The following PCNX4 variants were observed in gnomAD, a reference collection of about 807,000 sequenced individuals.
The protein encoded by PCNX4 is pecanex-like protein 4.
In PCNX4, 103 loss-of-function variants were observed where a neutral mutation model predicts 107.2. The ratio of observed to expected loss-of-function variants is 0.96; its 90% CI spans 0.82 to 1.13. The LOEUF is 1.13. Among genes scored for constraint, PCNX4 ranks in the 50% most tolerant of loss-of-function variants. The pLI, the probability that PCNX4 is intolerant of heterozygous loss-of-function variation, is 0.00. For synonymous variants in PCNX4, 541 were observed against 481.7 expected, an observed-to-expected ratio of 1.12 and a Z score of -1.61; for missense variants, 1,528 against 1,379.4, an observed-to-expected ratio of 1.11 and a Z score of -1.71.
Position 60,137,931 on chromosome 14 carries a change from T to TA in PCNX4, c.*3721dup, listed in dbSNP as rs796807567. 0.027 allele frequency: 3,880 copies of TA among 142,176 alleles called. 122 individuals carry two copies. The highest frequency in any genetic ancestry group is 0.085 in the African/African-American group (3,308 of 38,906). 8.8% of individuals were successfully genotyped at this position (142,176 alleles called of 1,614,324 possible). A position where few individuals can be genotyped will look rare whatever the true frequency, so the allele number is the denominator to read the frequency against. On this transcript the variant is annotated 3_prime_UTR_variant, in exon 11 of 11. Transcript: ENST00000406854. ...AATGAAACCCCATCTGTAGTAAAAA[T>TA]AAAAAAAAAAATAACCGGGTGTGGT...
At chr14:60,133,800 T>C (rs1896197558) in intron 10 of PCNX4, 170 bp from the exon 11 acceptor site, 1 of 697,568 alleles carries the variant, frequency 1.4e-6, no homozygotes, top group Non-Finnish European at 2.4e-6. Context: ...TTCTTGATTC[T>C]GAATACAGGC....
intron 8 of PCNX4, among the ~76,000 whole-genome samples, chr14:60,123,078 C>G (rs1221169752): frequency 6.6e-6 from 1 of 152,090 alleles, no homozygotes; most frequent in Admixed American, 6.6e-5. Flanking sequence ...TTGAGAACCT[C>G]TGCTCTAGTC....
chr14:60,102,788 G>T (rs141113542), intron 1 of PCNX4, among the ~76,000 whole-genome samples: 1 of 152,076 alleles, frequency 6.6e-6, no homozygotes, highest in African/African-American at 2.4e-5. Flanking sequence ...TCAGAACTAT[G>T]TGCCAAATTC....
rs779878114 is a variant in PCNX4 at position 60,118,636 on chromosome 14, A to G, written c.1886A>G (p.Gln629Arg). ...TGTGCAGATACAGTGTACTACTACC[A>G]AATGGTGCCCAGGTTGACTGCTGTA... ...CVCADTVYYY[Q>R]MVPRLTAVLQ... The change falls in exon 7 of 11, where the codon CAA becomes CGA. Residue 629 changes from glutamine to arginine, a missense_variant. Gln to Arg is a conservative substitution (Grantham distance 43). Coordinates refer to ENST00000406854, the MANE Select transcript of PCNX4 (RefSeq NM_001330177.2). 19 of 1,613,086 alleles carry G rather than the reference A, an allele frequency of 1.2e-5. No individual in the cohort carries two copies. Among genetic ancestry groups the G allele is most frequent in the Non-Finnish European group, 1.6e-5 (19 of 1,179,444 alleles).
Position 60,124,888 on chromosome 14 carries a change from AT to A in PCNX4, c.2719del (p.Ser907LeufsTer3). 1 of 1,613,856 alleles carries A rather than the reference AT, an allele frequency of 6.2e-7. No homozygotes were observed. The highest frequency in any genetic ancestry group is 8.5e-7 in the Non-Finnish European group (1 of 1,179,778). ...YIPLMEFSCS[H>X]SHLVCLPAEW... Reference sequence around the variant, plus strand: ...CCTCTCATGGAGTTCAGTTGTTCACATTCTCACTTAGTATGCTTACCCGCAG... The same window carrying A: ...CCTCTCATGGAGTTCAGTTGTTCACATCTCACTTAGTATGCTTACCCGCAG... On this transcript the variant is annotated frameshift_variant, in exon 9 of 11. Transcript: ENST00000406854. LOFTEE classifies it high-confidence loss of function.
In PCNX4 at chr14:60,124,995, C is replaced by T; in HGVS notation, c.2824C>T (p.Leu942=). 1 of 1,613,750 alleles carries T rather than the reference C, an allele frequency of 6.2e-7. No homozygotes were observed. Among genetic ancestry groups the T allele is most frequent in the South Asian group, 1.1e-5 (1 of 91,066 alleles). ...TCCAGAAGACTGGTACCAATTTGTT[C>T]TAAGGCAGTTGGAATGTTATCATTC... ...LFPEDWYQFV[L]RQLECYHSEE... The change falls in exon 9 of 11, where the codon CTA becomes TTA. Residue 942 remains leucine (L), a synonymous_variant. Transcript: ENST00000406854.
intron 1 of PCNX4, among the ~76,000 whole-genome samples, chr14:60,095,153 G>C (rs749999116): frequency 8.5e-5 from 13 of 152,164 alleles, no homozygotes; most frequent in Admixed American, 3.9e-4. Context: ...CAAATTTAAA[G>C]GGGAAAGGGC....
rs374486742 is a variant in PCNX4 at position 60,124,910 on chromosome 14, C to G, written c.2739C>G (p.Pro913=). 3 of 1,613,730 alleles carry G rather than the reference C, an allele frequency of 1.9e-6. No individual in the cohort carries two copies. The highest frequency in any genetic ancestry group is 2.7e-5 in the African/African-American group (2 of 75,020). Residue 913 remains proline (P), a synonymous_variant, in exon 9 of 11, where the codon CCC becomes CCG. Transcript: ENST00000406854. ...CACATTCTCACTTAGTATGCTTACC[C>G]GCAGAGTGGAGGACTAGCTGTATGC... ...SCSHSHLVCL[P]AEWRTSCMPS...
chr14:60,119,728 C>T (rs970271146), intron 7 of PCNX4, among the ~76,000 whole-genome samples: 2 of 152,098 alleles, frequency 1.3e-5, no homozygotes, highest in Non-Finnish European at 2.9e-5. Flanking sequence ...AAAAATTATA[C>T]TTTATTATCA....
intron 1 of PCNX4, among the ~76,000 whole-genome samples, chr14:60,103,072 T>C (rs1895563229): frequency 6.6e-6 from 1 of 152,186 alleles, no homozygotes; most frequent in East Asian, 1.9e-4. Context: ...TTTAAATCAG[T>C]TTTTAGGTCT....
At chr14:60,120,826 G>A (rs1302103569) in intron 7 of PCNX4, among the ~76,000 whole-genome samples, 1 of 152,086 alleles carries the variant, frequency 6.6e-6, no homozygotes, top group Non-Finnish European at 1.5e-5. Flanking sequence ...TTATATCCAT[G>A]TATAAAAATG....
In PCNX4 at chr14:60,124,813, T is replaced by C; in HGVS notation, c.2642T>C (p.Leu881Ser). ...AACGATCTTTACAAAGCAGTTCTAT[T>C]AGGATACCCTGCTGTTGACAAAGGA... The part of the protein sequence containing the change: ...PENDLYKAVL[L>S]GYPAVDKGKQ... The change falls in exon 9 of 11, where the codon TTA becomes TCA. Residue 881 changes from leucine to serine, a missense_variant. Transcript: ENST00000406854. The C allele has an allele frequency of 6.2e-7, 1 of 1,613,770 alleles. No homozygotes were observed. The highest frequency in any genetic ancestry group is 1.3e-5 in the African/African-American group (1 of 75,060).
chr14:60,118,733 A>G (rs1256219056), intron 7 of PCNX4, 41 bp downstream of exon 7: 2 of 1,497,958 alleles, frequency 1.3e-6, no homozygotes, highest in Admixed American at 2.3e-5. Flanking sequence ...TCACTAATGT[A>G]TTTAAAGTAC....
chr14:60,131,105 A>G lies in PCNX4; in HGVS notation c.3268-2865A>G, dbSNP rs528160661. Among the ~76,000 whole-genome samples the G allele has an allele frequency of 1.4e-4, 22 of 152,276 alleles. 1 individual carries two copies. Among genetic ancestry groups the G allele is most frequent in the African/African-American group, 5.3e-4 (22 of 41,562 alleles). On this transcript the variant is annotated intron_variant, in intron 10 of 10. Transcript: ENST00000406854. Reference sequence around the variant, plus strand: ...GGATAGCCCTCATCAGAACCCAGCCATGAAACCACCCCGATCTTGGACCTC... The same window carrying G: ...GGATAGCCCTCATCAGAACCCAGCCGTGAAACCACCCCGATCTTGGACCTC...
chr14:60,094,563 T>C (rs1379818966), intron 1 of PCNX4, among the ~76,000 whole-genome samples: 3 of 152,066 alleles, frequency 2.0e-5, no homozygotes, highest in Non-Finnish European at 2.9e-5. Context: ...GTCCCTATCA[T>C]ACCCTGCAAC....
At chr14:60,097,616 A>G (rs1057034532) in intron 1 of PCNX4, among the ~76,000 whole-genome samples, 5 of 152,240 alleles carry the variant, frequency 3.3e-5, no homozygotes, top group Non-Finnish European at 5.9e-5. Context: ...TATCTCAACC[A>G]ATCAGGCCTA....
At position 60,142,383 on chromosome 14, in the gene PCNX4, C is replaced by T. The variant is rs1011208040; in HGVS notation, c.*8162C>T. On this transcript the variant is annotated 3_prime_UTR_variant, in exon 11 of 11. Coordinates refer to ENST00000406854, the MANE Select transcript of PCNX4 (RefSeq NM_001330177.2). This position sits in a 1 kb window ranked among gnomAD's most constrained non-coding sequence, Gnocchi z 4.7. ...GTTGAGGAAACGAAAGCCGTCACTT[C>T]TGCTAACTCTTTTACCAACTCACCT... 1.1e-4 allele frequency: 17 copies of T among 152,328 alleles called. No homozygotes were observed. The highest frequency in any genetic ancestry group is 3.8e-4 in the African/African-American group (16 of 41,562). 9.4% of individuals were successfully genotyped at this position (152,328 alleles called of 1,614,324 possible).
chr14:60,133,653 T>C, intron 10 of PCNX4: 1 of 515,494 alleles, frequency 1.9e-6, no homozygotes, highest in Non-Finnish European at 3.7e-6. Context: ...CACCACCAAA[T>C]AGTATTTATG....
rs747512999 is a variant in PCNX4, at chr14:60,121,240, C to T, written c.1987C>T (p.Arg663Cys). 2.7e-5 allele frequency: 42 copies of T among 1,574,550 alleles called. No homozygotes were observed. In the East Asian group the frequency reaches 8.0e-4, roughly 30 times the overall value. ...TCATTACTTGGGCCGTTTTCAGGAT[C>T]GTTTAATGTGGATAATGATTCTGGA... is the stretch of plus-strand genomic sequence containing the variant. The part of the protein sequence containing the change: ...GSHYLGRFQD[R>C]LMWIMILECG... The change falls in exon 8 of 11, where the codon CGT (arginine) becomes TGT (cysteine). Residue 663 changes from arginine (R) to cysteine (C), a missense_variant. By Grantham distance (180) the Arg-to-Cys change is radical. Coordinates refer to ENST00000406854, the MANE Select transcript of PCNX4 (RefSeq NM_001330177.2).
Sources: allele counts gnomAD v4.1 joint callset (sites outside exome capture counted in the v4.1 genomes callset), GRCh38; gene constraint gnomAD v4.1.1; non-coding constraint Gnocchi (gnomAD v3.1); transcripts MANE v1.5; gene names NCBI Gene and HGNC (gene_info 2026-07-23, HGNC 2026-07-21).